SPECC1: variants seen among roughly 807,000 people sequenced by gnomAD.
The protein encoded by SPECC1 is sperm antigen with calponin homology and coiled-coil domains 1.
SPECC1 carries 62 observed loss-of-function variants against 104.1 expected under a neutral mutation model. That is an observed-to-expected ratio of 0.60 (90% CI 0.49 to 0.74). The LOEUF is 0.74. SPECC1 is among the 30% of genes least tolerant of loss of function. SPECC1 has a pLI of 0.00. For missense variants in SPECC1, 1,306 were observed against 1,310.5 expected (o/e 1.00, Z 0.05); for synonymous variants, 513 against 501.6 (o/e 1.02, Z -0.30).
intron 3 of SPECC1, among the ~76,000 whole-genome samples, chr17:20,132,062 T>C (rs979110650): frequency 2.0e-5 from 3 of 152,192 alleles, no homozygotes; most frequent in African/African-American, 7.2e-5. Flanking sequence ...TTCTAAGATT[T>C]TTTTTTTTCT....
Position 20,257,483 on chromosome 17 carries a change from C to T in SPECC1, c.2713C>T (p.Pro905Ser), listed in dbSNP as rs767854607. 6.2e-7 allele frequency: 1 copy of T among 1,601,214 alleles called. No individual in the cohort carries two copies. The highest frequency in any genetic ancestry group is 1.4e-5 in the African/African-American group (1 of 73,902). Residue 905 changes from proline (P) to serine (S), a missense_variant, in exon 11 of 15, where the codon CCA (proline) becomes TCA (serine). By Grantham distance (74) the Pro-to-Ser change is moderately conservative. Transcript: ENST00000395527. The part of the protein sequence containing the change: ...ILKGRTETLK[P>S]DPHLRKSPSL... ...AAAGGGAAGGACTGAGACCCTGAAG[C>T]CAGACCCCCACCTCCGCAAGAGTCC...
intron 1 of SPECC1, among the ~76,000 whole-genome samples, chr17:20,054,653 A>G (rs1410483284): frequency 6.6e-6 from 1 of 151,894 alleles, no homozygotes; most frequent in Non-Finnish European, 1.5e-5. Flanking sequence ...CTGATCTTTT[A>G]AAATGTTTGA....
chr17:20,211,687 G>A (rs1271393280), intron 4 of SPECC1, among the ~76,000 whole-genome samples: 2 of 152,226 alleles, frequency 1.3e-5, no homozygotes, highest in East Asian at 1.9e-4. Context: ...CCCTTGAAAA[G>A]GGGCAGAAGT....
At chr17:20,134,945 A>T (rs2049844631) in intron 3 of SPECC1, among the ~76,000 whole-genome samples, 1 of 152,190 alleles carries the variant, frequency 6.6e-6, no homozygotes, top group Non-Finnish European at 1.5e-5. Flanking sequence ...ATCACATTGG[A>T]TGGAAGGGAA....
intron 3 of SPECC1, among the ~76,000 whole-genome samples, chr17:20,151,723 C>A (rs760407343): frequency 6.6e-6 from 1 of 152,198 alleles, no homozygotes. Flanking sequence ...TGTGTGACTG[C>A]CACAACCTGA....
chr17:20,139,133 C>A (rs1056952876), intron 3 of SPECC1, among the ~76,000 whole-genome samples: 11 of 152,290 alleles, frequency 7.2e-5, no homozygotes, highest in South Asian at 4.1e-4. Context: ...TCCTTTCCAA[C>A]CCTGAAGGGG....
chr17:20,302,349 G>A (rs1314061645), intron 13 of SPECC1, among the ~76,000 whole-genome samples: 3 of 152,176 alleles, frequency 2.0e-5, no homozygotes, highest in Non-Finnish European at 4.4e-5. Flanking sequence ...GCGTCACCCT[G>A]CCCGGCTCCT....
intron 1 of SPECC1, among the ~76,000 whole-genome samples, chr17:20,064,562 G>A (rs1423536608): frequency 6.6e-6 from 1 of 152,160 alleles, no homozygotes; most frequent in Admixed American, 6.5e-5. Context: ...GAGGACAGCA[G>A]GAGGATCTGT....
intron 3 of SPECC1, among the ~76,000 whole-genome samples, chr17:20,165,930 T>G (rs1270552363): frequency 6.6e-6 from 1 of 152,224 alleles, no homozygotes; most frequent in Non-Finnish European, 1.5e-5. Flanking sequence ...CCTTGTAGAT[T>G]CTGGATATTA....
rs954001775 is a variant in SPECC1 at position 20,110,262 on chromosome 17, G to C, written c.148-165G>C. Among the ~76,000 whole-genome samples, 3 of 152,206 alleles carry C rather than the reference G, an allele frequency of 2.0e-5. No individual in the cohort carries two copies. The East Asian group carries it at 5.8e-4, about 29-fold the overall frequency. On this transcript the variant is annotated intron_variant, in intron 2 of 14. Coordinates refer to ENST00000395527, the MANE Select transcript of SPECC1 (RefSeq NM_001243439.2). ...GACCTGTTATGACAGAAACAGGTTT[G>C]TGTAGCTTTGCATTTTTTCACTTCA...
At chr17:20,258,611 T>C (rs553944500) in intron 11 of SPECC1, among the ~76,000 whole-genome samples, 203 of 152,360 alleles carry the variant, frequency 1.3e-3, no homozygotes, top group African/African-American at 4.5e-3. Context: ...CCTGCCAGAA[T>C]GGCCCTGTTC....
At chr17:20,250,905 T>G (rs1265005170) in intron 9 of SPECC1, among the ~76,000 whole-genome samples, 1 of 151,798 alleles carries the variant, frequency 6.6e-6, no homozygotes, top group East Asian at 1.9e-4. Context: ...CCAACCAGAG[T>G]AATTCACCAC....
intron 2 of SPECC1, among the ~76,000 whole-genome samples, chr17:20,105,215 G>T (rs1434097746): frequency 6.6e-6 from 1 of 151,942 alleles, no homozygotes; most frequent in Non-Finnish European, 1.5e-5. Flanking sequence ...TCAGCCTCCT[G>T]AGTAGCTAGG....
At chr17:20,151,327 C>T (rs1034326208) in intron 3 of SPECC1, among the ~76,000 whole-genome samples, 5 of 152,216 alleles carry the variant, frequency 3.3e-5, no homozygotes, top group African/African-American at 1.2e-4. Context: ...CTAGTCAGCC[C>T]TGCAATCATG....
At chr17:20,088,491 G>A (rs2047266687) in intron 1 of SPECC1, among the ~76,000 whole-genome samples, 1 of 152,120 alleles carries the variant, frequency 6.6e-6, no homozygotes, top group Non-Finnish European at 1.5e-5. Flanking sequence ...CCAGAAGAGA[G>A]ACGATTTTCT....
In SPECC1 at chr17:20,110,570, G is replaced by A. The variant is rs1405490758; in HGVS notation, c.283+8G>A. The A allele has an allele frequency of 1.9e-6, 3 of 1,609,228 alleles. No individual in the cohort carries two copies. In the African/African-American group the frequency reaches 4.0e-5, roughly 22 times the overall value. ...GCCTGAGGAGCGGCACAGGTAGGAG[G>A]GACCGGGCAGGTGGGCTCGGCAGGC... On this transcript the variant is annotated splice_region_variant and intron_variant, in intron 3 of 14. Coordinates refer to ENST00000395527, the MANE Select transcript of SPECC1 (RefSeq NM_001243439.2).
intron 12 of SPECC1, among the ~76,000 whole-genome samples, chr17:20,286,577 G>A (rs555550189): frequency 1.3e-5 from 2 of 152,268 alleles, no homozygotes; most frequent in South Asian, 2.1e-4. Context: ...CCATCCAGGG[G>A]TAGGTCCTGG....
At chr17:20,113,653 C>T (rs1351583150) in intron 3 of SPECC1, among the ~76,000 whole-genome samples, 1 of 152,212 alleles carries the variant, frequency 6.6e-6, no homozygotes. Flanking sequence ...CATCGTTGTA[C>T]ATCACTGTCA....
intron 1 of SPECC1, among the ~76,000 whole-genome samples, chr17:20,018,532 C>T (rs1043864927): frequency 3.9e-5 from 6 of 152,216 alleles, no homozygotes; most frequent in African/African-American, 7.2e-5. Flanking sequence ...CTGAGATTAC[C>T]GGCATGGGCC....
Sources: gnomAD v4.1 joint callset for allele counts (sites outside exome capture counted in the v4.1 genomes callset) on GRCh38, gnomAD v4.1.1 for gene constraint, MANE v1.5 for transcripts, NCBI Gene and HGNC (gene_info 2026-07-23, HGNC 2026-07-21) for gene names.